Variants in CREB5 observed in about 807,000 individuals in gnomAD.
The protein encoded by CREB5 is cAMP responsive element binding protein 5, also known as cyclic AMP-responsive element-binding protein 5.
A neutral mutation model predicts 57.1 loss-of-function variants in CREB5; 19 were observed. The observed-to-expected ratio is 0.33, with a 90% CI of 0.23 to 0.49. The LOEUF (loss-of-function observed/expected upper bound fraction) is 0.49. Ranked by LOEUF, CREB5 falls within the 20% of genes least tolerant of loss-of-function variation. CREB5 has a pLI of 0.99. For synonymous variants in CREB5, 238 were observed against 238.3 expected, an observed-to-expected ratio of 1.00 and a Z score of 0.01; for missense variants, 579 against 671.6, an observed-to-expected ratio of 0.86 and a Z score of 1.52.
chr7:28,524,683 T>C (rs1369030532), intron 4 of CREB5, among the ~76,000 whole-genome samples: 1 of 152,212 alleles, frequency 6.6e-6, no homozygotes, highest in Non-Finnish European at 1.5e-5. Context: ...TTTTAATTTT[T>C]CTTTTTATCT....
chr7:28,382,876 T>C (rs1029223534), intron 1 of CREB5, among the ~76,000 whole-genome samples: 1 of 151,640 alleles, frequency 6.6e-6, no homozygotes, highest in Non-Finnish European at 1.5e-5. Flanking sequence ...TCCCAAGTTA[T>C]CATGAGAAAA....
At chr7:28,802,906 A>G (rs973133072) in intron 7 of CREB5, among the ~76,000 whole-genome samples, 8 of 152,262 alleles carry the variant, frequency 5.3e-5, no homozygotes, top group Non-Finnish European at 5.9e-5. Flanking sequence ...AAATTATATG[A>G]AATTCAGATT....
chr7:28,527,805 G>C (rs1793511012), intron 4 of CREB5, among the ~76,000 whole-genome samples: 1 of 152,144 alleles, frequency 6.6e-6, no homozygotes, highest in African/African-American at 2.4e-5. Flanking sequence ...GTGACAGAGA[G>C]AGATCCTGTC....
chr7:28,409,800 G>A (rs1385968114), upstream of CREB5: 1 of 448,128 alleles, frequency 2.2e-6, no homozygotes, highest in South Asian at 1.6e-5. This position sits in a 1 kb window ranked among gnomAD's most constrained non-coding sequence, Gnocchi z 4.4. Flanking sequence ...CGTGGAGCCG[G>A]CGCCGAGTCC....
intron 4 of CREB5, among the ~76,000 whole-genome samples, chr7:28,522,793 C>T (rs951693738): frequency 4.6e-5 from 7 of 152,196 alleles, no homozygotes; most frequent in Admixed American, 2.0e-4. Flanking sequence ...CTAGAGACAG[C>T]GTGGCTGGCC....
chr7:28,733,645 C>T (rs191559344), intron 7 of CREB5, among the ~76,000 whole-genome samples: 38 of 152,308 alleles, frequency 2.5e-4, no homozygotes, highest in Non-Finnish European at 4.9e-4. Context: ...TTTGTCTCTT[C>T]CTCATGGAGC....
At chr7:28,804,788 C>A (rs908993982) in intron 8 of CREB5, among the ~76,000 whole-genome samples, 6 of 152,174 alleles carry the variant, frequency 3.9e-5, no homozygotes, top group Non-Finnish European at 8.8e-5. Flanking sequence ...TCTATTTTTG[C>A]AGTGTGTCAG....
At chr7:28,599,414 A>G (rs975101143) in intron 5 of CREB5, among the ~76,000 whole-genome samples, 4 of 152,208 alleles carry the variant, frequency 2.6e-5, no homozygotes, top group Non-Finnish European at 1.5e-5. Context: ...TTAAACTTCC[A>G]TCCATGAGAG....
At chr7:28,526,975 C>T (rs562729705) in intron 4 of CREB5, among the ~76,000 whole-genome samples, 2 of 152,198 alleles carry the variant, frequency 1.3e-5, no homozygotes, top group East Asian at 3.9e-4. Flanking sequence ...TGGACACATA[C>T]TCTACACCCC....
At chr7:28,378,414 C>T (rs1036792668) in intron 1 of CREB5, among the ~76,000 whole-genome samples, 3 of 151,948 alleles carry the variant, frequency 2.0e-5, no homozygotes, top group African/African-American at 7.3e-5. Context: ...ACACGTTGTA[C>T]ATATGTACCC....
intron 1 of CREB5, among the ~76,000 whole-genome samples, chr7:28,471,605 T>C (rs1790811682): frequency 6.6e-6 from 1 of 152,178 alleles, no homozygotes; most frequent in African/African-American, 2.4e-5. Flanking sequence ...CACAACGCTG[T>C]GTGAAAAAGA....
At chr7:28,696,794 G>A (rs561059566) in intron 5 of CREB5, among the ~76,000 whole-genome samples, 4 of 147,428 alleles carry the variant, frequency 2.7e-5, no homozygotes, top group East Asian at 2.0e-4. Flanking sequence ...ATACGTATAC[G>A]TATACGTATA....
At chr7:28,686,073 T>C (rs1473316092) in intron 5 of CREB5, 3 of 1,534,644 alleles carry the variant, frequency 2.0e-6, no homozygotes, top group Non-Finnish European at 2.7e-6. Flanking sequence ...TGGCCTGGAA[T>C]CAAATGGGAA....
chr7:28,622,269 A>T (rs906157308), intron 5 of CREB5, among the ~76,000 whole-genome samples: 70 of 149,612 alleles, frequency 4.7e-4, no homozygotes, highest in African/African-American at 1.6e-3. Context: ...TCACACACAC[A>T]CACACACACA....
intron 7 of CREB5, among the ~76,000 whole-genome samples, chr7:28,731,068 C>T (rs1803597887): frequency 6.6e-6 from 1 of 152,142 alleles, no homozygotes; most frequent in Non-Finnish European, 1.5e-5. Context: ...CTCTGTCTGG[C>T]TGAGACAAGT....
At chr7:28,587,868 T>C (rs1343610153) in intron 5 of CREB5, among the ~76,000 whole-genome samples, 1 of 152,194 alleles carries the variant, frequency 6.6e-6, no homozygotes, top group Non-Finnish European at 1.5e-5. Context: ...ACCTAAAATG[T>C]CTCCATGGGC....
At chr7:28,791,083 G>A (rs1024121349) in intron 7 of CREB5, among the ~76,000 whole-genome samples, 1 of 152,178 alleles carries the variant, frequency 6.6e-6, no homozygotes, top group East Asian at 1.9e-4. Flanking sequence ...CTGGCATATG[G>A]TGAAAAGAAG....
intron 5 of CREB5, among the ~76,000 whole-genome samples, chr7:28,686,740 A>G (rs1178447800): frequency 6.6e-6 from 1 of 152,230 alleles, no homozygotes; most frequent in Non-Finnish European, 1.5e-5. Flanking sequence ...AGGGGTTTTC[A>G]GTTTATTATC....
At chr7:28,746,497 A>C (rs577412587) in intron 7 of CREB5, among the ~76,000 whole-genome samples, 1 of 152,192 alleles carries the variant, frequency 6.6e-6, no homozygotes, top group South Asian at 2.1e-4. Flanking sequence ...CTTTTTAATA[A>C]GATTCTCAGG....
Sources: allele counts gnomAD v4.1 joint callset (sites outside exome capture counted in the v4.1 genomes callset), GRCh38; gene constraint gnomAD v4.1.1; non-coding constraint Gnocchi (gnomAD v3.1); transcripts MANE v1.5; gene names NCBI Gene and HGNC (gene_info 2026-07-23, HGNC 2026-07-21).